The following DDX60 variants were observed in gnomAD, a reference collection of about 807,000 sequenced individuals.
DDX60 encodes the protein probable ATP-dependent RNA helicase DDX60.
In DDX60, 165 loss-of-function variants were observed where a neutral mutation model predicts 212.8. The ratio of observed to expected loss-of-function variants is 0.78; its 90% CI spans 0.68 to 0.88. The LOEUF is 0.88. DDX60 is among the 40% of genes least tolerant of loss of function. The pLI, the probability that DDX60 is intolerant of heterozygous loss-of-function variation, is 0.00. For missense variants in DDX60, 1,905 were observed against 2,003.9 expected (o/e 0.95, Z 0.94); for synonymous variants, 703 against 685.3 (o/e 1.03, Z -0.40).
chr4:168,277,881 C>T (rs955910371), intron 14 of DDX60, among the ~76,000 whole-genome samples: 9 of 151,284 alleles, frequency 5.9e-5, no homozygotes. Flanking sequence ...AAATTGCACA[C>T]CATTTTGAGT....
chr4:168,253,808 C>T (rs1036683165), intron 26 of DDX60, among the ~76,000 whole-genome samples: 2 of 152,190 alleles, frequency 1.3e-5, no homozygotes, highest in African/African-American at 2.4e-5. Flanking sequence ...CTCCGTAAAC[C>T]CTGGCTTAGA....
intron 8 of DDX60, among the ~76,000 whole-genome samples, 159 bp downstream of exon 8, chr4:168,291,589 T>C (rs1033829575): frequency 4.6e-5 from 7 of 152,220 alleles, no homozygotes; most frequent in African/African-American, 1.4e-4. Flanking sequence ...CTCCTAAACA[T>C]AGATGCTGAA....
At chr4:168,217,787 G>A (rs569795926) in intron 37 of DDX60, among the ~76,000 whole-genome samples, 81 of 152,206 alleles carry the variant, frequency 5.3e-4, no homozygotes, top group Non-Finnish European at 8.7e-4. Flanking sequence ...AAGGAATGCC[G>A]GCAGCCTCTA....
intron 37 of DDX60, among the ~76,000 whole-genome samples, chr4:168,220,265 T>C (rs1243448287): frequency 6.6e-6 from 1 of 152,110 alleles, no homozygotes; most frequent in African/African-American, 2.4e-5. Context: ...GAATATAAAC[T>C]AGAGACCGGA....
At chr4:168,323,966 T>A in the DDX60 span, among the ~76,000 whole-genome samples, 15 of 152,236 alleles carry the variant, frequency 9.9e-5, no homozygotes, top group Non-Finnish European at 2.2e-4. Flanking sequence ...GGTGATTCCA[T>A]TCATTAAATC....
intron 1 of DDX60, among the ~76,000 whole-genome samples, chr4:168,313,908 C>G (rs1027699763): frequency 2.0e-5 from 3 of 152,140 alleles, no homozygotes; most frequent in African/African-American, 7.2e-5. Context: ...ATGACTGAGA[C>G]GTGAGTGCCC....
At chr4:168,266,590 A>G (rs552556311) in intron 22 of DDX60, among the ~76,000 whole-genome samples, 43 of 152,280 alleles carry the variant, frequency 2.8e-4, no homozygotes, top group African/African-American at 1.0e-3. Flanking sequence ...TATCTGAATG[A>G]CTGGTATTTG....
At chr4:168,245,943 G>A (rs1416289527) in intron 30 of DDX60, among the ~76,000 whole-genome samples, 2 of 152,030 alleles carry the variant, frequency 1.3e-5, no homozygotes, top group Non-Finnish European at 2.9e-5. Flanking sequence ...GAATGTCTTT[G>A]GGGAGTGGAA....
intron 5 of DDX60, among the ~76,000 whole-genome samples, 158 bp downstream of exon 5, chr4:168,306,221 G>T (rs1022365360): frequency 9.2e-5 from 14 of 152,274 alleles, no homozygotes; most frequent in African/African-American, 3.4e-4. Context: ...ATAAATGACT[G>T]CATTTGCATT....
intron 36 of DDX60, 119 bp downstream of exon 36, chr4:168,221,611 G>A (rs1221794697): frequency 1.6e-5 from 17 of 1,070,988 alleles, no homozygotes; most frequent in Non-Finnish European, 2.2e-5. Context: ...AGTATGTTTA[G>A]TATGATTTAA....
At chr4:168,322,587 A>G (rs961665468), upstream of DDX60, among the ~76,000 whole-genome samples, 1 of 152,208 alleles carries the variant, frequency 6.6e-6, no homozygotes, top group Non-Finnish European at 1.5e-5. Context: ...ATATATGCTC[A>G]TTGCTTCTAG....
intron 14 of DDX60, 100 bp downstream of exon 14, chr4:168,280,235 A>T: frequency 7.1e-7 from 1 of 1,417,148 alleles, no homozygotes; most frequent in East Asian, 2.3e-5. Context: ...AGGGCATGTA[A>T]GTCTTCTAAT....
chr4:168,275,682 T>C (rs1489558977), intron 15 of DDX60, among the ~76,000 whole-genome samples, 179 bp from the exon 16 acceptor site: 1 of 152,184 alleles, frequency 6.6e-6, no homozygotes, highest in East Asian at 1.9e-4. Flanking sequence ...GATTTTCAAA[T>C]ATACGTCATG....
intron 7 of DDX60, 115 bp from the exon 8 acceptor site, chr4:168,292,021 A>G: frequency 1.9e-6 from 1 of 534,048 alleles, no homozygotes. Flanking sequence ...ATCATGAATT[A>G]TTCCTTTCTT....
intron 33 of DDX60, among the ~76,000 whole-genome samples, chr4:168,226,285 A>C (rs1255682359): frequency 1.3e-5 from 2 of 152,020 alleles, no homozygotes; most frequent in Non-Finnish European, 2.9e-5. Flanking sequence ...ATTTTCTCAA[A>C]ATTTATATGT....
upstream of DDX60, among the ~76,000 whole-genome samples, chr4:168,323,502 C>T (rs1737644052): frequency 6.6e-6 from 1 of 152,092 alleles, no homozygotes; most frequent in Non-Finnish European, 1.5e-5. Context: ...CTGACTGGTA[C>T]CGATATATAG....
Position 168,273,279 on chromosome 4 carries a change from C to A in DDX60, c.2574G>T (p.Gln858His). The A allele has an allele frequency of 6.2e-7, 1 of 1,612,316 alleles. No homozygotes were observed. Among genetic ancestry groups the A allele is most frequent in the South Asian group, 1.1e-5 (1 of 90,724 alleles). The change falls in exon 18 of 38, where the codon CAG (glutamine) becomes CAT (histidine). Residue 858 changes from glutamine (Q) to histidine (H), a missense_variant and splice_region_variant. Coordinates refer to ENST00000393743, the MANE Select transcript of DDX60 (RefSeq NM_017631.6). ...REYRHDALNCQVLITVPACFE... is the reference protein window; with the variant it reads ...REYRHDALNCHVLITVPACFE... ...ACACTTATTAATTAAAATACCCTAC[C>A]TGACAGTTTAAGGCATCATGACGAT...
chr4:168,301,415 T>C (rs925395805), intron 6 of DDX60, among the ~76,000 whole-genome samples: 1 of 152,074 alleles, frequency 6.6e-6, no homozygotes. Context: ...CATCTTGTGA[T>C]TTCAGAAAGT....
chr4:168,253,538 C>T (rs1250381217), intron 26 of DDX60, among the ~76,000 whole-genome samples: 1 of 152,146 alleles, frequency 6.6e-6, no homozygotes, highest in Non-Finnish European at 1.5e-5. Context: ...ATAGCCCACA[C>T]CCAATGTCTG....
Sources: gnomAD v4.1 joint callset for allele counts (sites outside exome capture counted in the v4.1 genomes callset) on GRCh38, gnomAD v4.1.1 for gene constraint, MANE v1.5 for transcripts, NCBI Gene and HGNC (gene_info 2026-07-23, HGNC 2026-07-21) for gene names.